Variants in SHISA9 observed in about 807,000 individuals in gnomAD.
The protein encoded by SHISA9 is protein shisa-9.
SHISA9 carries 13 observed loss-of-function variants against 38.0 expected under a neutral mutation model. The observed-to-expected ratio is 0.34, with a 90% CI of 0.22 to 0.54. The LOEUF (loss-of-function observed/expected upper bound fraction) is 0.54, where lower values mean the gene tolerates loss of function less well. Ranked by LOEUF, SHISA9 falls within the 20% of genes least tolerant of loss-of-function variation. SHISA9 has a pLI of 0.91. For synonymous variants in SHISA9, 275 were observed against 242.0 expected (o/e 1.14, Z -1.27); for missense variants, 538 against 575.8 (o/e 0.93, Z 0.67).
chr16:13,219,595 G>A (rs1380338669), intron 4 of SHISA9, among the ~76,000 whole-genome samples: 1 of 152,166 alleles, frequency 6.6e-6, no homozygotes, highest in Non-Finnish European at 1.5e-5. Context: ...ACCTTGTCAT[G>A]TGCCCACCTC....
the SHISA9 span, among the ~76,000 whole-genome samples, chr16:13,451,859 G>A: frequency 1.3e-5 from 2 of 152,156 alleles, no homozygotes; most frequent in East Asian, 1.9e-4. Context: ...GCATAACTTT[G>A]AGCCATGCAT....
At chr16:13,388,488 T>G in the SHISA9 span, among the ~76,000 whole-genome samples, 2 of 151,992 alleles carry the variant, frequency 1.3e-5, no homozygotes, top group South Asian at 2.1e-4. Context: ...ATTTTTGTAT[T>G]TTTAGTAGAG....
At chr16:13,065,120 G>A (rs1003057762) in intron 2 of SHISA9, among the ~76,000 whole-genome samples, 1 of 152,102 alleles carries the variant, frequency 6.6e-6, no homozygotes, top group African/African-American at 2.4e-5. Flanking sequence ...CCAGACCATG[G>A]TCCTCACCTA....
intron 2 of SHISA9, among the ~76,000 whole-genome samples, chr16:13,071,605 T>TTCCTTCCTTC (rs1567202391): frequency 0.035 from 4,966 of 140,034 alleles, 123 homozygotes; most frequent in Admixed American, 0.08. Flanking sequence ...TCCTTCCCTT[T>TTCCTTCCTTC]CTTCCCTTCC....
chr16:13,375,929 A>G, the SHISA9 span, among the ~76,000 whole-genome samples: 3 of 152,304 alleles, frequency 2.0e-5, no homozygotes, highest in Admixed American at 6.5e-5. Flanking sequence ...CCTAAAATTT[A>G]TATGGGGTTT....
rs960779996 is a variant in SHISA9, at chr16:12,942,527, A to T, written c.691+25712A>T. Reference sequence around the variant, plus strand: ...TACATCCCATTATTGAATTCGCTGCAAAGTGTCAGTTAATGAAGACAGCAT... The same window carrying T: ...TACATCCCATTATTGAATTCGCTGCTAAGTGTCAGTTAATGAAGACAGCAT... On this transcript the variant is annotated intron_variant, in intron 2 of 4. Coordinates refer to ENST00000558583, the MANE Select transcript of SHISA9 (RefSeq NM_001145204.3). Among the ~76,000 whole-genome samples the T allele has an allele frequency of 3.3e-5, 5 of 152,344 alleles. 1 individual carries two copies. The highest frequency in any genetic ancestry group is 6.5e-5 in the Admixed American group (1 of 15,304).
chr16:13,381,552 T>G, the SHISA9 span, among the ~76,000 whole-genome samples: 1 of 152,248 alleles, frequency 6.6e-6, no homozygotes, highest in Non-Finnish European at 1.5e-5. Context: ...AAACATGGAA[T>G]GTTCATTTAA....
At chr16:13,234,424 G>A (rs370656194) in intron 4 of SHISA9, among the ~76,000 whole-genome samples, 5 of 152,352 alleles carry the variant, frequency 3.3e-5, no homozygotes, top group African/African-American at 1.2e-4. Context: ...AGAAGCTGAT[G>A]CTGACAAATG....
At chr16:13,293,744 T>G in the SHISA9 span, among the ~76,000 whole-genome samples, 1 of 152,212 alleles carries the variant, frequency 6.6e-6, no homozygotes, top group African/African-American at 2.4e-5. Context: ...GGCTCTGCCT[T>G]AATTCTTATT....
chr16:13,382,137 CTG>C, the SHISA9 span, among the ~76,000 whole-genome samples: 2 of 152,156 alleles, frequency 1.3e-5, no homozygotes, highest in African/African-American at 4.8e-5. Context: ...AAAATTAACA[CTG>C]TTTGTCAAAA....
At chr16:13,224,232 CA>C (rs1596747478) in intron 4 of SHISA9, among the ~76,000 whole-genome samples, 3 of 152,316 alleles carry the variant, frequency 2.0e-5, no homozygotes, top group East Asian at 3.9e-4. Flanking sequence ...TATACCCAAA[CA>C]GTCTCTTTAA....
intron 2 of SHISA9, among the ~76,000 whole-genome samples, chr16:12,959,619 T>G (rs561475583): frequency 6.6e-6 from 1 of 152,312 alleles, no homozygotes; most frequent in African/African-American, 2.4e-5. Context: ...CGGAGAGAGA[T>G]AACCATTGTT....
chr16:13,041,781 C>G (rs564414412), intron 2 of SHISA9, among the ~76,000 whole-genome samples: 109 of 152,298 alleles, frequency 7.2e-4, no homozygotes, highest in African/African-American at 2.5e-3. Flanking sequence ...AATACCAATT[C>G]CAGGACCTCA....
intron 2 of SHISA9, among the ~76,000 whole-genome samples, chr16:13,197,364 C>T (rs747569440): frequency 1.7e-4 from 26 of 152,092 alleles, no homozygotes; most frequent in South Asian, 4.1e-4. Flanking sequence ...TAATATTTGT[C>T]TCTTCTGCAT....
the SHISA9 span, among the ~76,000 whole-genome samples, chr16:13,247,422 A>G: frequency 3.3e-5 from 5 of 152,196 alleles, no homozygotes; most frequent in Admixed American, 3.3e-4. Flanking sequence ...CATTTTAAAG[A>G]TAAGGGAACT....
chr16:13,456,318 C>A, the SHISA9 span, among the ~76,000 whole-genome samples: 1 of 152,182 alleles, frequency 6.6e-6, no homozygotes, highest in Admixed American at 6.5e-5. Flanking sequence ...AGCTAGACCA[C>A]CTCTCCAACT....
At chr16:12,910,074 C>G (rs1489179065) in intron 1 of SHISA9, 1 of 152,246 alleles carries the variant, frequency 6.6e-6, no homozygotes, top group Non-Finnish European at 1.5e-5. Flanking sequence ...CCAGGCTGGT[C>G]TCGAACTCTT....
chr16:13,073,585 A>G (rs1420676851), intron 2 of SHISA9, among the ~76,000 whole-genome samples: 1 of 152,176 alleles, frequency 6.6e-6, no homozygotes, highest in African/African-American at 2.4e-5. Context: ...CTGCAGTGCA[A>G]AGTCAAATGG....
chr16:13,401,246 C>T, the SHISA9 span, among the ~76,000 whole-genome samples: 4 of 152,160 alleles, frequency 2.6e-5, no homozygotes, highest in African/African-American at 7.2e-5. Flanking sequence ...GTTATTCAGC[C>T]TTATTTTTAC....
Sources: allele counts gnomAD v4.1 joint callset (sites outside exome capture counted in the v4.1 genomes callset), GRCh38; gene constraint gnomAD v4.1.1; transcripts MANE v1.5; gene names NCBI Gene and HGNC (gene_info 2026-07-23, HGNC 2026-07-21).